Variants in DOCK2 observed in about 807,000 individuals in gnomAD.
The protein encoded by DOCK2 is dedicator of cytokinesis protein 2.
Under a neutral mutation model 248.9 loss-of-function variants are expected in DOCK2, and 87 were observed. The observed-to-expected ratio is 0.35, with a 90% CI of 0.29 to 0.42. DOCK2 has a LOEUF of 0.42. Among genes scored for constraint, DOCK2 ranks in the 10% least tolerant of loss-of-function variants. DOCK2 has a pLI of 1.00. For synonymous variants in DOCK2, 805 were observed against 821.6 expected (o/e 0.98, Z 0.35); for missense variants, 1,747 against 2,300.2 (o/e 0.76, Z 4.92).
intron 30 of DOCK2, among the ~76,000 whole-genome samples, chr5:170,001,157 A>T (rs187839116): frequency 1.3e-5 from 2 of 152,244 alleles, no homozygotes. Flanking sequence ...CCACTCCCCA[A>T]ATCAGAAGCA....
At chr5:169,899,060 T>TA (rs1186494452) in intron 27 of DOCK2, among the ~76,000 whole-genome samples, 2 of 152,142 alleles carry the variant, frequency 1.3e-5, no homozygotes, top group Non-Finnish European at 2.9e-5. Context: ...TCCTAATACA[T>TA]AAAGTGCAAG....
chr5:169,994,027 T>C (rs2113796046), intron 29 of DOCK2, among the ~76,000 whole-genome samples: 1 of 152,272 alleles, frequency 6.6e-6, no homozygotes, highest in Non-Finnish European at 1.5e-5. Flanking sequence ...TCTGAGCAAT[T>C]GGAAGAATAG....
At position 170,078,291 on chromosome 5, in the gene DOCK2, C is replaced by T. The variant is rs1757909416; in HGVS notation, c.4994+454C>T. The stretch of plus-strand genomic sequence containing the variant: ...CTGTCGGGGGTCTTCCCTCCCTTGC[C>T]CCTTCCACCTTCCTGGAGCCCTCTG... On this transcript the variant is annotated intron_variant, in intron 48 of 51. Transcript: ENST00000520908. 1.3e-5 allele frequency among the ~76,000 whole-genome samples: 2 copies of T among 152,220 alleles called. 1 individual carries two copies. Among genetic ancestry groups the T allele is most frequent in the South Asian group, 4.1e-4 (2 of 4,836 alleles).
chr5:170,014,820 G>A (rs185255344), intron 32 of DOCK2, among the ~76,000 whole-genome samples: 1 of 152,128 alleles, frequency 6.6e-6, no homozygotes, highest in South Asian at 2.1e-4. Flanking sequence ...GACCAGACAT[G>A]CTCCCAGGTA....
intron 1 of DOCK2, among the ~76,000 whole-genome samples, chr5:169,649,991 T>C (rs1019671371): frequency 6.6e-6 from 1 of 152,042 alleles, no homozygotes; most frequent in African/African-American, 2.4e-5. Context: ...TTTAGTACAG[T>C]CGGGGTTTCA....
intron 6 of DOCK2, among the ~76,000 whole-genome samples, chr5:169,676,320 A>G (rs1289992283): frequency 2.0e-5 from 3 of 152,178 alleles, no homozygotes; most frequent in Non-Finnish European, 4.4e-5. Flanking sequence ...AGGTCTGCAC[A>G]TAGTAGGTTC....
intron 27 of DOCK2, chr5:169,883,922 G>A: frequency 6.8e-7 from 1 of 1,465,032 alleles, no homozygotes. Flanking sequence ...GAAGGATCAG[G>A]ACCATACACT....
At chr5:169,702,076 C>T (rs1761000926) in intron 13 of DOCK2, 2 of 361,300 alleles carry the variant, frequency 5.5e-6, no homozygotes, top group Non-Finnish European at 1.0e-5. Context: ...TTTGAGTGTC[C>T]CTACTTCCCT....
intron 2 of DOCK2, among the ~76,000 whole-genome samples, chr5:169,662,550 T>C (rs540512087): frequency 6.6e-6 from 1 of 152,256 alleles, no homozygotes; most frequent in Non-Finnish European, 1.5e-5. Flanking sequence ...AGAAAAGAGG[T>C]TTAATTGACT....
intron 26 of DOCK2, among the ~76,000 whole-genome samples, chr5:169,838,598 A>T (rs1305385355): frequency 3.3e-5 from 5 of 152,170 alleles, no homozygotes; most frequent in East Asian, 1.9e-4. Context: ...GGCCAGAAAT[A>T]TGGGGAGATC....
chr5:169,676,080 A>G lies in DOCK2; in HGVS notation c.470+1635A>G, dbSNP rs538172485. On this transcript the variant is annotated intron_variant, in intron 6 of 51. Coordinates refer to ENST00000520908, the MANE Select transcript of DOCK2 (RefSeq NM_004946.3). ...TTACAATGACATCTACGACCTTCAA[A>G]TGTTGTTTTCTCAATGGGGGCTCCT... is the stretch of plus-strand genomic sequence containing the variant. Among the ~76,000 whole-genome samples, 14 of 152,288 alleles carry G rather than the reference A, an allele frequency of 9.2e-5. No individual in the cohort carries two copies. The South Asian group carries it at 2.5e-3, about 27-fold the overall frequency.
chr5:169,994,434 A>C (rs1419188220), intron 29 of DOCK2, among the ~76,000 whole-genome samples: 1 of 152,216 alleles, frequency 6.6e-6, no homozygotes, highest in Non-Finnish European at 1.5e-5. Context: ...CCTGCCCTGC[A>C]GAAGCTCATA....
intron 46 of DOCK2, among the ~76,000 whole-genome samples, chr5:170,073,907 C>T (rs935980373): frequency 2.6e-5 from 4 of 152,078 alleles, no homozygotes; most frequent in Non-Finnish European, 4.4e-5. Context: ...TGTTGATCCT[C>T]TCTGTTGTAA....
intron 14 of DOCK2, among the ~76,000 whole-genome samples, chr5:169,705,358 A>G (rs916547889): frequency 6.6e-6 from 1 of 152,172 alleles, no homozygotes; most frequent in Non-Finnish European, 1.5e-5. Context: ...TGCTGGGCCA[A>G]GAAACCTCTG....
At chr5:169,669,438 T>C in intron 3 of DOCK2, 110 bp downstream of exon 3, 1 of 1,224,770 alleles carries the variant, frequency 8.2e-7, no homozygotes, top group Non-Finnish European at 1.2e-6. Flanking sequence ...AGGGAATCCA[T>C]CTCTCCCTCC....
At chr5:169,711,182 A>G (rs1007736829) in intron 15 of DOCK2, among the ~76,000 whole-genome samples, 1 of 152,244 alleles carries the variant, frequency 6.6e-6, no homozygotes, top group Non-Finnish European at 1.5e-5. Context: ...GCATCTGTAC[A>G]GTACAAATGT....
chr5:170,045,488 G>A (rs1756674676), intron 38 of DOCK2, among the ~76,000 whole-genome samples: 1 of 152,128 alleles, frequency 6.6e-6, no homozygotes. Flanking sequence ...AGGTTGCTGG[G>A]CCTCTCTGAA....
chr5:169,854,263 G>T (rs1177819053), intron 27 of DOCK2, among the ~76,000 whole-genome samples: 1 of 150,654 alleles, frequency 6.6e-6, no homozygotes, highest in Non-Finnish European at 1.5e-5. Context: ...TCAGTTCACT[G>T]CAACCTCCAC....
intron 25 of DOCK2, among the ~76,000 whole-genome samples, chr5:169,778,320 C>T (rs976194267): frequency 1.3e-5 from 2 of 152,180 alleles, no homozygotes; most frequent in South Asian, 4.1e-4. Flanking sequence ...TCCTAACACC[C>T]ATACTAAATG....
Sources: gnomAD v4.1 joint callset for allele counts (sites outside exome capture counted in the v4.1 genomes callset) on GRCh38, gnomAD v4.1.1 for gene constraint, MANE v1.5 for transcripts, NCBI Gene and HGNC (gene_info 2026-07-23, HGNC 2026-07-21) for gene names.